Variants in MED12L observed in about 807,000 individuals in gnomAD.
MED12L encodes mediator complex subunit 12L.
Under a neutral mutation model 281.3 loss-of-function variants are expected in MED12L, and 60 were observed. That is an observed-to-expected ratio of 0.21 (90% CI 0.17 to 0.26). The LOEUF is 0.26. MED12L is among the 10% of genes least tolerant of loss of function. The probability of loss-of-function intolerance (pLI) is 1.00; values close to 1 mark genes in which losing one functional copy is unlikely to be tolerated. For synonymous variants in MED12L, 974 were observed against 987.2 expected (o/e 0.99, Z 0.25); for missense variants, 2,146 against 2,680.9 (o/e 0.80, Z 4.41).
chr3:151,298,864 A>C (rs542998653), intron 16 of MED12L, among the ~76,000 whole-genome samples: 1 of 152,344 alleles, frequency 6.6e-6, no homozygotes, highest in South Asian at 2.1e-4. Flanking sequence ...AGCTACGTTC[A>C]AGTTTCCCGG....
chr3:151,139,376 G>A (rs531867098), intron 5 of MED12L, among the ~76,000 whole-genome samples: 4 of 152,314 alleles, frequency 2.6e-5, no homozygotes, highest in African/African-American at 9.6e-5. Flanking sequence ...GCTACTTGGG[G>A]TGTCACTGCT....
intron 5 of MED12L, among the ~76,000 whole-genome samples, chr3:151,147,243 CT>C (rs2148893278): frequency 6.6e-6 from 1 of 152,222 alleles, no homozygotes; most frequent in South Asian, 2.1e-4. Context: ...TAGTGTTTTA[CT>C]TTTTATCAGT....
chr3:151,198,662 A>G, intron 16 of MED12L: 1 of 1,614,152 alleles, frequency 6.2e-7, no homozygotes, highest in African/African-American at 1.3e-5. Flanking sequence ...CGGGATTCGG[A>G]CAATGTGGTA....
intron 19 of MED12L, among the ~76,000 whole-genome samples, chr3:151,356,384 C>T (rs1237167242): frequency 4.6e-5 from 7 of 151,640 alleles, no homozygotes; most frequent in Non-Finnish European, 1.0e-4. Flanking sequence ...AGTGCAAGGC[C>T]CTGTCTCAAA....
At chr3:151,339,987 A>G (rs1245215486) in intron 16 of MED12L, among the ~76,000 whole-genome samples, 1 of 152,220 alleles carries the variant, frequency 6.6e-6, no homozygotes, top group Non-Finnish European at 1.5e-5. Context: ...ATATTTAGAT[A>G]AATGAATGTA....
At chr3:151,271,873 G>A (rs1577196477) in intron 16 of MED12L, among the ~76,000 whole-genome samples, 1 of 152,204 alleles carries the variant, frequency 6.6e-6, no homozygotes, top group African/African-American at 2.4e-5. Context: ...GCCTAGAAAA[G>A]AGAATGATGA....
At chr3:151,283,323 CAGA>C (rs1262204280) in intron 16 of MED12L, among the ~76,000 whole-genome samples, 1 of 152,184 alleles carries the variant, frequency 6.6e-6, no homozygotes, top group African/African-American at 2.4e-5. Context: ...TCTTGAAAAT[CAGA>C]AGGACTGAAT....
At position 151,116,324 on chromosome 3, in the gene MED12L, C is replaced by A; in HGVS notation, c.100-14C>A. The A allele has an allele frequency of 1.3e-6, 2 of 1,582,046 alleles. No homozygotes were observed. Among genetic ancestry groups the A allele is most frequent in the East Asian group, 2.3e-5 (1 of 44,436 alleles). On this transcript the variant is annotated splice_polypyrimidine_tract_variant and intron_variant, in intron 2 of 44. Coordinates refer to ENST00000687756, the MANE Select transcript of MED12L (RefSeq NM_001393769.1). Reference sequence around the variant, plus strand: ...TTACATCCTTCTGCTTAATCAATACCGTCTCTTGAACAGGATGAACTTACT... The same window carrying A: ...TTACATCCTTCTGCTTAATCAATACAGTCTCTTGAACAGGATGAACTTACT...
Position 151,235,648 on chromosome 3 carries a change from C to T in MED12L, c.2250+41982C>T, listed in dbSNP as rs535392912. 1.1e-4 allele frequency among the ~76,000 whole-genome samples: 17 copies of T among 152,048 alleles called. No homozygotes were observed. In the East Asian group the frequency reaches 2.9e-3, roughly 26 times the overall value. On this transcript the variant is annotated intron_variant, in intron 16 of 44. Transcript: ENST00000687756. ...GGCAGAGGTCGCAGTGAGCTGAGGT[C>T]GCGCCACTGCACTCCAGCCTGGTAA...
intron 5 of MED12L, among the ~76,000 whole-genome samples, chr3:151,140,735 A>G (rs1400973233): frequency 6.6e-6 from 1 of 152,132 alleles, no homozygotes; most frequent in Non-Finnish European, 1.5e-5. Context: ...GCTGGAGTGC[A>G]ATGGCCTGGT....
intron 16 of MED12L, chr3:151,338,638 C>T: frequency 2.5e-6 from 4 of 1,613,880 alleles, no homozygotes; most frequent in Non-Finnish European, 3.4e-6. Context: ...ATGAGAAGAT[C>T]AGAAATGACT....
intron 43 of MED12L, among the ~76,000 whole-genome samples, chr3:151,419,432 C>G (rs1717993279): frequency 6.6e-6 from 1 of 152,154 alleles, no homozygotes; most frequent in Non-Finnish European, 1.5e-5. Context: ...GCCAGTCTCT[C>G]CTGTTCATGT....
At chr3:151,419,239 G>A (rs1284464826) in intron 43 of MED12L, among the ~76,000 whole-genome samples, 2 of 152,204 alleles carry the variant, frequency 1.3e-5, no homozygotes, top group East Asian at 3.8e-4. Context: ...GAATAGATAT[G>A]TATATATAAA....
At position 151,368,064 on chromosome 3, in the gene MED12L, TCC is replaced by T. The variant is rs1298864666; in HGVS notation, c.3449-85_3449-84del. 58 of 1,085,380 alleles carry T rather than the reference TCC, an allele frequency of 5.3e-5. 2 individuals are homozygous for T. The highest frequency in any genetic ancestry group is 3.5e-4 in the Admixed American group (15 of 42,424). 67.2% of individuals were successfully genotyped at this position (1,085,380 alleles called of 1,614,324 possible). A position where few individuals can be genotyped will look rare whatever the true frequency, so the allele number is the denominator to read the frequency against. On this transcript the variant is annotated intron_variant, in intron 24 of 44. Coordinates refer to ENST00000687756, the MANE Select transcript of MED12L (RefSeq NM_001393769.1). ...AAGGAAAATTTATTTAAATAATTATTCCAGGAAATTTAGCTTAATAGGAAACC... is the reference window on the plus strand; with the variant it reads ...AAGGAAAATTTATTTAAATAATTATTAGGAAATTTAGCTTAATAGGAAACC...
At chr3:151,239,846 T>C (rs1733720108) in intron 16 of MED12L, among the ~76,000 whole-genome samples, 1 of 152,166 alleles carries the variant, frequency 6.6e-6, no homozygotes, top group Admixed American at 6.5e-5. Flanking sequence ...TGTCTATAAA[T>C]ATCAAAAAAG....
chr3:151,200,102 G>A (rs1337558527), intron 16 of MED12L, among the ~76,000 whole-genome samples: 1 of 152,066 alleles, frequency 6.6e-6, no homozygotes, highest in African/African-American at 2.4e-5. Context: ...CACTTGAGTC[G>A]CTTTTTTTTT....
intron 16 of MED12L, chr3:151,329,154 G>A: frequency 3.1e-6 from 2 of 642,100 alleles, no homozygotes; most frequent in East Asian, 5.7e-5. Flanking sequence ...TGTTGAAAAG[G>A]AAAATACTGT....
At chr3:151,198,965 A>G (rs1725106359) in intron 16 of MED12L, 3 of 1,614,010 alleles carry the variant, frequency 1.9e-6, no homozygotes, top group Non-Finnish European at 1.7e-6. Flanking sequence ...AAGAAGGACC[A>G]TTAGCCACAC....
chr3:151,178,378 G>A (rs1722332809), intron 11 of MED12L, among the ~76,000 whole-genome samples: 1 of 149,614 alleles, frequency 6.7e-6, no homozygotes. Flanking sequence ...GTTGTGAAAT[G>A]TGCATGTTAC....
Sources: gnomAD v4.1 joint callset for allele counts (sites outside exome capture counted in the v4.1 genomes callset) on GRCh38, gnomAD v4.1.1 for gene constraint, MANE v1.5 for transcripts, NCBI Gene and HGNC (gene_info 2026-07-23, HGNC 2026-07-21) for gene names.